ZNF783: variants seen among roughly 807,000 people sequenced by gnomAD.
ZNF783 encodes the protein zinc finger protein 783, also known as protein ZNF783.
ZNF783 carries 25 observed loss-of-function variants against 31.3 expected under a neutral mutation model. The ratio of observed to expected loss-of-function variants is 0.80; its 90% CI spans 0.58 to 1.11. The LOEUF (loss-of-function observed/expected upper bound fraction) is 1.11. Ranked by LOEUF, ZNF783 falls within the 50% of genes most tolerant of loss-of-function variation. ZNF783 has a pLI of 0.00. For synonymous variants in ZNF783, 369 were observed against 319.1 expected, an observed-to-expected ratio of 1.16 and a Z score of -1.66; for missense variants, 797 against 760.0, an observed-to-expected ratio of 1.05 and a Z score of -0.57.
rs949407736 is a variant in ZNF783 at position 149,267,719 on chromosome 7, C to T, written c.673+497C>T. Among the ~76,000 whole-genome samples, 5 of 152,246 alleles carry T rather than the reference C, an allele frequency of 3.3e-5. No homozygotes were observed. In the East Asian group the frequency reaches 5.8e-4, roughly 18 times the overall value. ...GGCTGAGGCAGGAGAATGGCGTGAA[C>T]CCGGGAGGCGGAGTTTGCAATGAGC... On this transcript the variant is annotated intron_variant, in intron 4 of 5. Transcript: ENST00000434415.
At chr7:149,271,676 A>G (rs1356816704) in intron 4 of ZNF783, among the ~76,000 whole-genome samples, 1 of 152,252 alleles carries the variant, frequency 6.6e-6, no homozygotes, top group African/African-American at 2.4e-5. Context: ...TTAACAGGGT[A>G]GATTCAAGGA....
chr7:149,268,764 A>G (rs1797145661), intron 4 of ZNF783, among the ~76,000 whole-genome samples: 1 of 152,234 alleles, frequency 6.6e-6, no homozygotes, highest in African/African-American at 2.4e-5. Context: ...ATGTTGCTGC[A>G]CAGGACATGA....
chr7:149,280,554 A>G (rs1195038800), intron 5 of ZNF783, among the ~76,000 whole-genome samples: 2 of 152,070 alleles, frequency 1.3e-5, no homozygotes, highest in South Asian at 2.1e-4. Context: ...GTCTTTCCCC[A>G]TCGTGGTCTG....
intron 1 of ZNF783, among the ~76,000 whole-genome samples, chr7:149,264,508 C>T (rs1410102485): frequency 6.6e-6 from 1 of 152,104 alleles, no homozygotes; most frequent in Non-Finnish European, 1.5e-5. Context: ...GATCTTATGC[C>T]AGGTACACTG....
intron 4 of ZNF783, among the ~76,000 whole-genome samples, chr7:149,275,405 C>G (rs571091275): frequency 6.6e-6 from 1 of 151,646 alleles, no homozygotes; most frequent in African/African-American, 2.4e-5. Context: ...CTGCGCCTCC[C>G]GGGTTCACGC....
rs1459712064 is a variant in ZNF783, at chr7:149,263,304, G to GTGTGTATA, written c.24+948_24+949insGTGTATAT. 1.1e-3 allele frequency among the ~76,000 whole-genome samples: 73 copies of GTGTGTATA among 64,318 alleles called. 1 individual carries two copies. In the Middle Eastern group the frequency reaches 0.023, roughly 20 times the overall value. 42.2% of individuals were successfully genotyped at this position (64,318 alleles called of 152,430 possible). ...TGTGTGTGTGTGTGTGTGTGTGTGT[G>GTGTGTATA]TATATATATATATATATATATTTTT... is the stretch of plus-strand genomic sequence containing the variant. On this transcript the variant is annotated intron_variant, in intron 1 of 5. Coordinates refer to ENST00000434415, the MANE Select transcript of ZNF783 (RefSeq NM_001195220.2).
chr7:149,279,547 G>A (rs939759063), intron 5 of ZNF783, among the ~76,000 whole-genome samples: 1 of 152,166 alleles, frequency 6.6e-6, no homozygotes, highest in African/African-American at 2.4e-5. Context: ...GCTGCAAGCC[G>A]CGGGTGTCCA....
chr7:149,282,687 T>C lies in ZNF783; in HGVS notation c.*344T>C. 4.2e-6 allele frequency: 1 copy of C among 239,332 alleles called. No individual in the cohort carries two copies. The highest frequency in any genetic ancestry group is 8.0e-6 in the Non-Finnish European group (1 of 125,742). The allele number at this position is 239,332 out of a possible 1,614,324, so 14.8% of individuals were successfully genotyped here. A position where few individuals can be genotyped will look rare whatever the true frequency, so the allele number is the denominator to read the frequency against. Reference sequence around the variant, plus strand: ...CATCGGGGACCTGGGATTTTTGTTTTGTGCAGAGATCTCCTGCCTGCTGTC... The same window carrying C: ...CATCGGGGACCTGGGATTTTTGTTTCGTGCAGAGATCTCCTGCCTGCTGTC... On this transcript the variant is annotated 3_prime_UTR_variant, in exon 6 of 6. Coordinates refer to ENST00000434415, the MANE Select transcript of ZNF783 (RefSeq NM_001195220.2).
Position 149,278,096 on chromosome 7 carries a change from G to A in ZNF783, c.674-303G>A, listed in dbSNP as rs1797375333. The A allele has an allele frequency of 2.1e-5, 23 of 1,093,368 alleles. No homozygotes were observed. In the South Asian group the frequency reaches 4.1e-4, roughly 20 times the overall value. 67.7% of individuals were successfully genotyped at this position (1,093,368 alleles called of 1,614,324 possible). On this transcript the variant is annotated intron_variant, in intron 4 of 5. Coordinates refer to ENST00000434415, the MANE Select transcript of ZNF783 (RefSeq NM_001195220.2). The stretch of plus-strand genomic sequence containing the variant: ...TGGTGACCACCCCACTGGCTGGTGG[G>A]ACAGGCATGGTGTTTCTCTTTCCTG...
Position 149,281,529 on chromosome 7 carries a change from A to G in ZNF783, c.827A>G (p.Glu276Gly), listed in dbSNP as rs1797463889. The G allele has an allele frequency of 6.9e-7, 1 of 1,457,112 alleles. No homozygotes were observed. Among genetic ancestry groups the G allele is most frequent in the East Asian group, 2.6e-5 (1 of 38,794 alleles). The allele number at this position is 1,457,112 out of a possible 1,614,324, so 90.3% of individuals were successfully genotyped here. A position where few individuals can be genotyped will look rare whatever the true frequency, so the allele number is the denominator to read the frequency against. The change falls in exon 6 of 6, where the codon GAG (glutamate) becomes GGG (glycine). Residue 276 changes from glutamate (E) to glycine (G), a missense_variant. Coordinates refer to ENST00000434415, the MANE Select transcript of ZNF783 (RefSeq NM_001195220.2). ...EAGGGVAIKT[E>G]AQSEDEMTPE... ...GGTGGTGGTGTGGCCATCAAGACAG[A>G]GGCACAGTCTGAAGACGAGATGACG... is the stretch of plus-strand genomic sequence containing the variant.
At position 149,283,490 on chromosome 7, in the gene ZNF783, T is replaced by C. The variant is rs1312670383; in HGVS notation, c.*1147T>C. 1.3e-5 allele frequency: 2 copies of C among 152,188 alleles called. No individual in the cohort carries two copies. The highest frequency in any genetic ancestry group is 4.8e-5 in the African/African-American group (2 of 41,434). 9.4% of individuals were successfully genotyped at this position (152,188 alleles called of 1,614,324 possible). On this transcript the variant is annotated 3_prime_UTR_variant, in exon 6 of 6. Transcript: ENST00000434415. ...AGTGTTCATGGGTGTGTAAGATCCA[T>C]TGACTGGACCCCAGAAAGCACCCTG... is the stretch of plus-strand genomic sequence containing the variant.
Position 149,263,286 on chromosome 7 carries a change from GTGTGTGTGTGTGTGTGTGTATATA to G in ZNF783, c.24+931_24+954del, listed in dbSNP as rs1183421845. ...TATACGTGTGTGTGTGTGTGTGTGTGTGTGTGTGTGTGTGTGTGTATATATATATATATATATATTTTTTTTTTA... is the reference window on the plus strand; with the variant it reads ...TATACGTGTGTGTGTGTGTGTGTGTGTATATATATATATATTTTTTTTTTA... On this transcript the variant is annotated intron_variant, in intron 1 of 5. Transcript: ENST00000434415. 3.4e-4 allele frequency among the ~76,000 whole-genome samples: 34 copies of G among 98,790 alleles called. No individual in the cohort carries two copies. In the East Asian group the frequency reaches 3.6e-3, roughly 11 times the overall value. 64.8% of individuals were successfully genotyped at this position (98,790 alleles called of 152,430 possible).
Position 149,281,563 on chromosome 7 carries a change from G to C in ZNF783, c.861G>C (p.Arg287=). The change falls in exon 6 of 6, where the codon CGG becomes CGC. Residue 287 remains arginine (R), a synonymous_variant. Coordinates refer to ENST00000434415, the MANE Select transcript of ZNF783 (RefSeq NM_001195220.2). ...AQSEDEMTPE[R]LFLGVSRGQT... ...CTGAAGACGAGATGACGCCTGAGCG[G>C]CTCTTTCTGGGGGTGTCCCGAGGCC... 1.3e-6 allele frequency: 2 copies of C among 1,495,162 alleles called. No individual in the cohort carries two copies. The highest frequency in any genetic ancestry group is 1.8e-6 in the Non-Finnish European group (2 of 1,136,290). The allele number at this position is 1,495,162 out of a possible 1,614,324, so 92.6% of individuals were successfully genotyped here. A position where few individuals can be genotyped will look rare whatever the true frequency, so the allele number is the denominator to read the frequency against.
Position 149,282,045 on chromosome 7 carries a change from G to T in ZNF783, c.1343G>T (p.Arg448Leu). 6.3e-7 allele frequency: 1 copy of T among 1,592,090 alleles called. No individual in the cohort carries two copies. The highest frequency in any genetic ancestry group is 1.7e-4 in the Middle Eastern group (1 of 6,040). The stretch of plus-strand genomic sequence containing the variant: ...GAGTGCCTGCGCTTCTTCCAGCAGC[G>T]CAAGAGCCTGCTGCTGCACCAGCGC... ...CSECLRFFQQ[R>L]KSLLLHQRLH... The change falls in exon 6 of 6, where the codon CGC becomes CTC. Residue 448 changes from arginine to leucine, a missense_variant. By Grantham distance (102) the Arg-to-Leu change is moderately radical. Transcript: ENST00000434415.
intron 4 of ZNF783, among the ~76,000 whole-genome samples, chr7:149,273,137 T>C (rs1363700954): frequency 6.6e-6 from 1 of 152,254 alleles, no homozygotes; most frequent in East Asian, 1.9e-4. Flanking sequence ...ACCTTTTCTC[T>C]GTCCATTTGT....
intron 4 of ZNF783, among the ~76,000 whole-genome samples, chr7:149,273,914 G>T (rs1797266474): frequency 6.6e-6 from 1 of 152,082 alleles, no homozygotes; most frequent in African/African-American, 2.4e-5. Flanking sequence ...CTTTTAATTG[G>T]GTAATTAGAT....
At chr7:149,274,939 T>A (rs1350292068) in intron 4 of ZNF783, among the ~76,000 whole-genome samples, 1 of 152,210 alleles carries the variant, frequency 6.6e-6, no homozygotes, top group East Asian at 1.9e-4. Flanking sequence ...GTGAAGAATG[T>A]CTTTGATATT....
chr7:149,276,857 T>A (rs1797343990), intron 4 of ZNF783, among the ~76,000 whole-genome samples: 1 of 149,248 alleles, frequency 6.7e-6, no homozygotes, highest in Admixed American at 6.7e-5. Context: ...ATTTATTTAT[T>A]TTTTTTTTTG....
chr7:149,264,872 CAAA>C (rs56837970), intron 1 of ZNF783, among the ~76,000 whole-genome samples: 3 of 53,026 alleles, frequency 5.7e-5, no homozygotes, highest in South Asian at 1.1e-3. Context: ...GACTCCGTCT[CAAA>C]AAAAAAAAAA....
Sources: allele counts gnomAD v4.1 joint callset (sites outside exome capture counted in the v4.1 genomes callset), GRCh38; gene constraint gnomAD v4.1.1; transcripts MANE v1.5; gene names NCBI Gene and HGNC (gene_info 2026-07-23, HGNC 2026-07-21).